PCDHGA2: variants seen among roughly 807,000 people sequenced by gnomAD.
PCDHGA2 encodes protocadherin gamma subfamily A, 2.
In PCDHGA2, 40 loss-of-function variants were observed where a neutral mutation model predicts 59.2. The observed-to-expected ratio is 0.68, with a 90% confidence interval of 0.52 to 0.88. The LOEUF (loss-of-function observed/expected upper bound fraction) is 0.88, where lower values mean the gene tolerates loss of function less well. Ranked by LOEUF, PCDHGA2 falls within the 40% of genes least tolerant of loss-of-function variation. PCDHGA2 has a pLI of 0.00. For synonymous variants in PCDHGA2, 560 were observed against 526.0 expected (o/e 1.06, Z -0.89); for missense variants, 1,226 against 1,204.0 (o/e 1.02, Z -0.27).
At chr5:141,503,335 G>A (rs111643076) in intron 2 of PCDHGA2, among the ~76,000 whole-genome samples, 108 of 152,220 alleles carry the variant, frequency 7.1e-4, no homozygotes, top group African/African-American at 2.4e-3. Context: ...GGTGGCTCAC[G>A]CCTGTAATTC....
In PCDHGA2 at chr5:141,433,028, G is replaced by T. The variant is rs539293579; in HGVS notation, c.2425-61779G>T. 27 of 1,614,116 alleles carry T rather than the reference G, an allele frequency of 1.7e-5. No individual in the cohort carries two copies. The highest frequency in any genetic ancestry group is 6.7e-5 in the Admixed American group (4 of 60,018). On this transcript the variant is annotated intron_variant, in intron 1 of 3. Coordinates refer to ENST00000394576, the MANE Select transcript of PCDHGA2 (RefSeq NM_018915.4). ...TTTCCTGCAGACCTATTCCCACGAG[G>T]TTTCCCTCACCACGGACTCGCGGAA...
At chr5:141,420,027 C>T in intron 1 of PCDHGA2, 3 of 1,614,082 alleles carry the variant, frequency 1.9e-6, no homozygotes, top group Non-Finnish European at 2.5e-6. Flanking sequence ...AGCCCTACTG[C>T]AGGAGACTGC....
intron 1 of PCDHGA2, chr5:141,415,222 G>C (rs2095844564): frequency 1.2e-6 from 2 of 1,613,990 alleles, no homozygotes; most frequent in African/African-American, 2.7e-5. Context: ...CGGCAGCTTC[G>C]AGTCTCCAGC....
At position 141,341,274 on chromosome 5, in the gene PCDHGA2, T is replaced by C. The variant is rs1757040433; in HGVS notation, c.2303T>C (p.Leu768Pro). 1 of 1,614,092 alleles carries C rather than the reference T, an allele frequency of 6.2e-7. No homozygotes were observed. Among genetic ancestry groups the C allele is most frequent in the African/African-American group, 1.3e-5 (1 of 74,928 alleles). ...SLTADSRKSHLIFPQPNYADT... is the reference protein window; with the variant it reads ...SLTADSRKSHPIFPQPNYADT... ...ACTGCGGACTCGCGGAAGAGCCACC[T>C]GATTTTCCCCCAGCCCAACTATGCG... is the stretch of plus-strand genomic sequence containing the variant. The change falls in exon 1 of 4, where the codon CTG becomes CCG. Residue 768 changes from leucine to proline, a missense_variant. Coordinates refer to ENST00000394576, the MANE Select transcript of PCDHGA2 (RefSeq NM_018915.4).
At chr5:141,393,768 A>G in intron 1 of PCDHGA2, 1 of 1,613,968 alleles carries the variant, frequency 6.2e-7, no homozygotes, top group East Asian at 2.2e-5. Flanking sequence ...TGAAATGGAA[A>G]TACAAGCCGA....
chr5:141,367,006 C>A (rs1157671027), intron 1 of PCDHGA2: 2 of 429,920 alleles, frequency 4.7e-6, no homozygotes, highest in Non-Finnish European at 4.0e-6. Flanking sequence ...ATCATTTTAC[C>A]CAAATATTTT....
Position 141,477,412 on chromosome 5 carries a change from C to T in PCDHGA2, c.2425-17395C>T. 6 of 1,614,168 alleles carry T rather than the reference C, an allele frequency of 3.7e-6. No individual in the cohort carries two copies. The highest frequency in any genetic ancestry group is 1.1e-5 in the South Asian group (1 of 91,082). On this transcript the variant is annotated intron_variant, in intron 1 of 3. Coordinates refer to ENST00000394576, the MANE Select transcript of PCDHGA2 (RefSeq NM_018915.4). This position sits in a 1 kb window ranked among gnomAD's most constrained non-coding sequence, Gnocchi z 4.9. ...ACCTCAGCATCACCGCCCGAGACGC[C>T]GGAACCCCTTCCCTCTCAGCCCTTA... is the stretch of plus-strand genomic sequence containing the variant.
rs755254491 is a variant in PCDHGA2, at chr5:141,409,746, T to TCG, written c.2424+68355_2424+68356dup. On this transcript the variant is annotated intron_variant, in intron 1 of 3. Transcript: ENST00000394576. ...GTGAGCGCGCAGAGCGGGGTGGTGT[T>TCG]CGCGCAGCGCGCCTTTGATCACGAG... The TCG allele has an allele frequency of 3.1e-6, 5 of 1,613,024 alleles. No homozygotes were observed. The South Asian group carries it at 5.5e-5, about 18-fold the overall frequency.
intron 1 of PCDHGA2, among the ~76,000 whole-genome samples, chr5:141,464,264 AAAAAAAAAAAAAAGC>A (rs974197911): frequency 4.0e-4 from 52 of 130,598 alleles, no homozygotes; most frequent in Non-Finnish European, 6.3e-4. Context: ...GACTCCGTCT[AAAAAAAAAAAAAAGC>A]AAAAAAAAAA....
chr5:141,488,866 G>C (rs957501628), intron 1 of PCDHGA2, among the ~76,000 whole-genome samples: 1 of 152,148 alleles, frequency 6.6e-6, no homozygotes, highest in East Asian at 1.9e-4. Context: ...GAAGTGAGTG[G>C]GGAGGTAGGA....
chr5:141,502,679 T>C (rs943238781), intron 2 of PCDHGA2, among the ~76,000 whole-genome samples: 1 of 152,236 alleles, frequency 6.6e-6, no homozygotes, highest in Non-Finnish European at 1.5e-5. Flanking sequence ...TAGTATTCCC[T>C]GATGATCCTT....
At chr5:141,345,613 A>T in intron 1 of PCDHGA2, 2 of 1,614,080 alleles carry the variant, frequency 1.2e-6, no homozygotes, top group Non-Finnish European at 8.5e-7. Context: ...CAATTTAGAG[A>T]CTTAAAGCTA....
At chr5:141,352,896 G>A (rs1463239890) in intron 1 of PCDHGA2, among the ~76,000 whole-genome samples, 5 of 152,206 alleles carry the variant, frequency 3.3e-5, no homozygotes, top group Non-Finnish European at 7.3e-5. Context: ...GCTGAGACAG[G>A]AGGATCGCTT....
At chr5:141,439,780 T>G (rs1023743000) in intron 1 of PCDHGA2, 1 of 152,228 alleles carries the variant, frequency 6.6e-6, no homozygotes, top group African/African-American at 2.4e-5. Context: ...TGGCTGGAGA[T>G]TCTATAATCC....
chr5:141,385,276 A>T (rs1315773619), intron 1 of PCDHGA2: 3 of 1,613,446 alleles, frequency 1.9e-6, no homozygotes, highest in Non-Finnish European at 2.5e-6. Context: ...TTCTTTGCTA[A>T]CATCCGTAGA....
intron 1 of PCDHGA2, chr5:141,389,997 A>G (rs1278035747): frequency 3.1e-6 from 5 of 1,613,844 alleles, no homozygotes; most frequent in South Asian, 2.2e-5. Flanking sequence ...CCTCGTGGCC[A>G]TGATTCTGGC....
In PCDHGA2 at chr5:141,489,094, G is replaced by T; in HGVS notation, c.2425-5713G>T. The T allele has an allele frequency of 1.5e-5, 6 of 395,994 alleles. No homozygotes were observed. The highest frequency in any genetic ancestry group is 4.1e-5 in the East Asian group (1 of 24,388). The allele number at this position is 395,994 out of a possible 1,614,324, so 24.5% of individuals were successfully genotyped here. ...CCCACCCCCGCCACTCGGTGACTAA[G>T]AACTGCTGCAAGCAGGCAAACCTCC... On this transcript the variant is annotated intron_variant, in intron 1 of 3. Coordinates refer to ENST00000394576, the MANE Select transcript of PCDHGA2 (RefSeq NM_018915.4). This position sits in a 1 kb window ranked among gnomAD's most constrained non-coding sequence, Gnocchi z 4.5.
rs1318842373 is a variant in PCDHGA2 at position 141,361,452 on chromosome 5, C to T, written c.2424+20057C>T. 2.3e-5 allele frequency: 37 copies of T among 1,613,918 alleles called. 1 individual carries two copies. The highest frequency in any genetic ancestry group is 2.9e-5 in the Non-Finnish European group (34 of 1,179,910). On this transcript the variant is annotated intron_variant, in intron 1 of 3. Coordinates refer to ENST00000394576, the MANE Select transcript of PCDHGA2 (RefSeq NM_018915.4). The stretch of plus-strand genomic sequence containing the variant: ...CCCTCTCCTCCAGCATAATTGTCAC[C>T]CTGCACATCTCCGACGTCAACGATA...
At chr5:141,423,357 C>A in intron 1 of PCDHGA2, 1 of 1,614,214 alleles carries the variant, frequency 6.2e-7, no homozygotes, top group Non-Finnish European at 8.5e-7. Flanking sequence ...TCTTTGTCAT[C>A]GTGCTGCTGG....
Sources: gnomAD v4.1 joint callset for allele counts (sites outside exome capture counted in the v4.1 genomes callset) on GRCh38, gnomAD v4.1.1 for gene constraint, Gnocchi (gnomAD v3.1) non-coding constraint, MANE v1.5 for transcripts, NCBI Gene and HGNC (gene_info 2026-07-23, HGNC 2026-07-21) for gene names.